The following PATJ variants were observed in gnomAD, a reference collection of about 807,000 sequenced individuals.
PATJ encodes the protein inaD-like protein.
Under a neutral mutation model 224.9 loss-of-function variants are expected in PATJ, and 190 were observed. The observed-to-expected ratio is 0.84, with a 90% CI of 0.75 to 0.95. PATJ has a LOEUF of 0.95. Ranked by LOEUF, PATJ falls within the 40% of genes least tolerant of loss-of-function variation. PATJ has a pLI of 0.00. For synonymous variants in PATJ, 769 were observed against 820.3 expected (o/e 0.94, Z 1.07); for missense variants, 2,121 against 2,270.3 (o/e 0.93, Z 1.34).
chr1:62,120,017 ATACTG>A (rs1297948144), intron 37 of PATJ, among the ~76,000 whole-genome samples: 2 of 152,210 alleles, frequency 1.3e-5, no homozygotes, highest in African/African-American at 4.8e-5. Context: ...AAGTTATAAT[ATACTG>A]TACTTCCTCA....
intron 31 of PATJ, among the ~76,000 whole-genome samples, chr1:62,053,637 T>C (rs1016426187): frequency 1.3e-5 from 2 of 152,082 alleles, no homozygotes; most frequent in Non-Finnish European, 2.9e-5. Context: ...GAGAATCGCT[T>C]GAACCTGGGA....
At chr1:61,764,049 G>A (rs1357649151) in intron 3 of PATJ, among the ~76,000 whole-genome samples, 1 of 150,886 alleles carries the variant, frequency 6.6e-6, no homozygotes, top group Non-Finnish European at 1.5e-5. Context: ...TAGTAGAGAC[G>A]GGGTTTCACT....
At chr1:61,941,278 A>T (rs1677777412) in intron 27 of PATJ, among the ~76,000 whole-genome samples, 2 of 152,234 alleles carry the variant, frequency 1.3e-5, no homozygotes, top group South Asian at 4.1e-4. Context: ...AACTTATGGC[A>T]TAACTTTATT....
chr1:62,047,326 G>A lies in PATJ; in HGVS notation c.4033-3640G>A, dbSNP rs57048135. ...GGCTGGAGTGCAGTGGCGTGATATC[G>A]GCTCACCGCAACCTCTGCCTCCTGG... On this transcript the variant is annotated intron_variant, in intron 30 of 43. Coordinates refer to ENST00000642238, the MANE Select transcript of PATJ (RefSeq NM_001350145.3). 4.9e-3 allele frequency among the ~76,000 whole-genome samples: 752 copies of A among 152,172 alleles called. 8 individuals are homozygous for A. The highest frequency in any genetic ancestry group is 0.017 in the African/African-American group (715 of 41,518).
chr1:62,012,720 T>C (rs1286913660), intron 28 of PATJ, among the ~76,000 whole-genome samples: 2 of 152,222 alleles, frequency 1.3e-5, no homozygotes, highest in East Asian at 3.8e-4. Context: ...AGTGAAATTG[T>C]TTTATATTAA....
chr1:61,936,841 A>G (rs541665347), intron 27 of PATJ, among the ~76,000 whole-genome samples: 14 of 152,212 alleles, frequency 9.2e-5, no homozygotes, highest in Non-Finnish European at 1.8e-4. Context: ...TTTCAAAGTG[A>G]TGGGATTACA....
At chr1:62,067,904 G>A (rs888590701) in intron 31 of PATJ, among the ~76,000 whole-genome samples, 8 of 152,090 alleles carry the variant, frequency 5.3e-5, no homozygotes, top group Non-Finnish European at 1.0e-4. Flanking sequence ...GGGCTCAAGC[G>A]ATCCTCCTAC....
At chr1:61,852,761 G>A (rs1211399485) in intron 17 of PATJ, among the ~76,000 whole-genome samples, 8 of 152,164 alleles carry the variant, frequency 5.3e-5, no homozygotes, top group African/African-American at 1.9e-4. Context: ...GCTGGTGTTT[G>A]AGCATTTTTA....
In PATJ at chr1:62,020,992, GTT is replaced by G. The variant is rs201809933; in HGVS notation, c.3959+3054_3959+3055del. ...AGGTGTGTACCACCAGGCCCGGCTA[GTT>G]TTTTTTTTATTTTTAGTAGAGACAG... On this transcript the variant is annotated intron_variant, in intron 29 of 43. Coordinates refer to ENST00000642238, the MANE Select transcript of PATJ (RefSeq NM_001350145.3). 2.7e-5 allele frequency among the ~76,000 whole-genome samples: 4 copies of G among 149,426 alleles called. No homozygotes were observed. The South Asian group carries it at 8.5e-4, about 32-fold the overall frequency.
At chr1:61,851,375 G>A (rs2148886413) in intron 17 of PATJ, among the ~76,000 whole-genome samples, 1 of 152,212 alleles carries the variant, frequency 6.6e-6, no homozygotes, top group Non-Finnish European at 1.5e-5. Flanking sequence ...AGCTGACTCT[G>A]GGGCAAACTC....
intron 29 of PATJ, among the ~76,000 whole-genome samples, chr1:62,024,544 G>T (rs1647407404): frequency 6.6e-6 from 1 of 151,832 alleles, no homozygotes; most frequent in South Asian, 2.1e-4. Context: ...TAATTGAGAT[G>T]GTCATCAGGG....
intron 28 of PATJ, among the ~76,000 whole-genome samples, chr1:61,997,997 T>TATATATATATATATATATATATATAA (rs1228165601): frequency 1.4e-4 from 16 of 110,960 alleles, no homozygotes; most frequent in Non-Finnish European, 2.6e-4. Flanking sequence ...TATGTATATA[T>TATATATATATATATATATATATATAA]AATATATTAT....
chr1:62,119,188 G>A (rs1664783260), intron 37 of PATJ, among the ~76,000 whole-genome samples: 2 of 152,114 alleles, frequency 1.3e-5, no homozygotes, highest in African/African-American at 4.8e-5. Flanking sequence ...ATCACCTTGT[G>A]CTTAAAATTA....
At chr1:62,113,926 T>C in intron 34 of PATJ, 127 bp from the exon 35 acceptor site, 1 of 850,556 alleles carries the variant, frequency 1.2e-6, no homozygotes, top group Non-Finnish European at 1.9e-6. Context: ...GGTCACTACC[T>C]GTTTGCCTTG....
At chr1:62,013,288 T>C in intron 28 of PATJ, 2 of 933,528 alleles carry the variant, frequency 2.1e-6, no homozygotes, top group Non-Finnish European at 2.6e-6. Context: ...AACAGTTAGA[T>C]TTCCTACATG....
intron 30 of PATJ, among the ~76,000 whole-genome samples, chr1:62,043,239 T>C (rs1284887243): frequency 6.6e-6 from 1 of 152,174 alleles, no homozygotes; most frequent in Non-Finnish European, 1.5e-5. Context: ...AAATATTTTA[T>C]TCCTACAGCT....
At chr1:61,759,009 C>A (rs1160183557) in intron 1 of PATJ, among the ~76,000 whole-genome samples, 1 of 152,098 alleles carries the variant, frequency 6.6e-6, no homozygotes, top group Non-Finnish European at 1.5e-5. Context: ...TTACAGAAGG[C>A]AATTAAGGGA....
chr1:61,989,252 G>A (rs1490810024), intron 27 of PATJ, among the ~76,000 whole-genome samples: 7 of 152,254 alleles, frequency 4.6e-5, no homozygotes, highest in South Asian at 4.1e-4. Flanking sequence ...ACTATGAGCC[G>A]CTAAGCCCTT....
At chr1:61,831,054 G>A (rs1659214380) in intron 16 of PATJ, among the ~76,000 whole-genome samples, 1 of 151,896 alleles carries the variant, frequency 6.6e-6, no homozygotes, top group African/African-American at 2.4e-5. Flanking sequence ...GGGTGTGGTG[G>A]CGGGTACCTG....
Sources: gnomAD v4.1 joint callset for allele counts (sites outside exome capture counted in the v4.1 genomes callset) on GRCh38, gnomAD v4.1.1 for gene constraint, MANE v1.5 for transcripts, NCBI Gene and HGNC (gene_info 2026-07-23, HGNC 2026-07-21) for gene names.